The following PCDH19 variants were observed in gnomAD, a reference collection of about 807,000 sequenced individuals.
PCDH19 encodes the protein protocadherin 19.
In PCDH19, 6 loss-of-function variants were observed where a neutral mutation model predicts 46.2. The observed-to-expected ratio is 0.13, with a 90% confidence interval of 0.07 to 0.26. PCDH19 has a LOEUF of 0.26. Among genes scored for constraint, PCDH19 ranks in the 10% least tolerant of loss-of-function variants. The probability of loss-of-function intolerance (pLI) is 1.00; values close to 1 mark genes in which losing one functional copy is unlikely to be tolerated. For synonymous variants in PCDH19, 481 were observed against 415.7 expected, an observed-to-expected ratio of 1.16 and a Z score of -1.91; for missense variants, 740 against 972.3, an observed-to-expected ratio of 0.76 and a Z score of 3.18.
chrX:100,341,335 T>C (rs1042355382), intron 5 of PCDH19, among the ~76,000 whole-genome samples: 1 of 111,734 alleles, frequency 8.9e-6, no homozygotes, highest in Non-Finnish European at 1.9e-5. Context: ...CTATGACTAA[T>C]GGCATGGTTT....
In PCDH19 at chrX:100,360,970, G is replaced by C. The variant is rs1926863619; in HGVS notation, c.2617-10266C>G. Among the ~76,000 whole-genome samples the C allele has an allele frequency of 5.4e-5, 6 of 111,690 alleles. 1 individual carries two copies. The South Asian group carries it at 2.3e-3, about 42-fold the overall frequency. On this transcript the variant is annotated intron_variant, in intron 3 of 5. Coordinates refer to ENST00000373034, the MANE Select transcript of PCDH19 (RefSeq NM_001184880.2). ...GTGCTTCTCATTTTATTTGGGAAGG[G>C]GGATGAGGAGGGATGAGGGTGGGTT...
chrX:100,366,925 G>C (rs1262953274), intron 3 of PCDH19, among the ~76,000 whole-genome samples: 1 of 112,233 alleles, frequency 8.9e-6, no homozygotes, highest in Non-Finnish European at 1.9e-5. Context: ...TATAAAGCAT[G>C]AGTAAAATGA....
intron 3 of PCDH19, among the ~76,000 whole-genome samples, chrX:100,369,697 T>C (rs1316496707): frequency 8.9e-6 from 1 of 111,922 alleles, no homozygotes; most frequent in East Asian, 2.8e-4. Flanking sequence ...AATTAAGCAG[T>C]ATGAACATTG....
At chrX:100,326,924 T>C (rs1602585604) in intron 5 of PCDH19, among the ~76,000 whole-genome samples, 1 of 111,519 alleles carries the variant, frequency 9.0e-6, no homozygotes, top group Non-Finnish European at 1.9e-5. Context: ...TAAAGTTCAA[T>C]ATTCTAGAAA....
chrX:100,408,648 G>A lies in PCDH19; in HGVS notation c.-51C>T, dbSNP rs1331405390. On this transcript the variant is annotated 5_prime_UTR_variant, in exon 1 of 6. Coordinates refer to ENST00000373034, the MANE Select transcript of PCDH19 (RefSeq NM_001184880.2). ...CGCCTCTCCACACCCCTCCGAGACC[G>A]ACGCCGTCGGCGCTCCAGCTTCCCG... The A allele has an allele frequency of 9.8e-6, 10 of 1,017,581 alleles. No individual in the cohort carries two copies. The highest frequency in any genetic ancestry group is 1.3e-5 in the Non-Finnish European group (10 of 749,301). 83.9% of individuals were successfully genotyped at this position (1,017,581 alleles called of 1,213,427 possible). A position where few individuals can be genotyped will look rare whatever the true frequency, so the allele number is the denominator to read the frequency against.
intron 3 of PCDH19, among the ~76,000 whole-genome samples, chrX:100,387,500 T>G (rs757932332): frequency 8.9e-6 from 1 of 111,747 alleles, no homozygotes; most frequent in South Asian, 3.8e-4. Context: ...AAAAAAGCAC[T>G]TCCCTCCAAA....
intron 3 of PCDH19, among the ~76,000 whole-genome samples, chrX:100,364,024 AC>A (rs1446152113): frequency 9.1e-6 from 1 of 110,397 alleles, no homozygotes; most frequent in Non-Finnish European, 1.9e-5. Flanking sequence ...GTTTTCTTCG[AC>A]CCATTTTCTT....
intron 5 of PCDH19, among the ~76,000 whole-genome samples, chrX:100,339,542 G>A (rs1223512504): frequency 8.9e-6 from 1 of 112,406 alleles, no homozygotes; most frequent in African/African-American, 3.2e-5. Flanking sequence ...GCAGACTTGA[G>A]ATATTAAAAT....
intron 5 of PCDH19, among the ~76,000 whole-genome samples, chrX:100,306,892 G>A (rs1924964323): frequency 9.0e-6 from 1 of 111,492 alleles, no homozygotes; most frequent in Non-Finnish European, 1.9e-5. Flanking sequence ...GACCAATAAT[G>A]AGCAGTGAGA....
intron 3 of PCDH19, among the ~76,000 whole-genome samples, chrX:100,386,525 T>C (rs184433652): frequency 1.8e-5 from 2 of 112,311 alleles, no homozygotes; most frequent in Admixed American, 1.9e-4. Flanking sequence ...CTCTGCTTTA[T>C]CACATTAACT....
At chrX:100,399,287 T>C (rs1166420206) in intron 3 of PCDH19, among the ~76,000 whole-genome samples, 2 of 111,911 alleles carry the variant, frequency 1.8e-5, no homozygotes, top group Non-Finnish European at 3.8e-5. Flanking sequence ...ATTAATTAAT[T>C]AGGAAAATAT....
intron 3 of PCDH19, among the ~76,000 whole-genome samples, chrX:100,393,497 TACACACACAC>T (rs57070852): frequency 0.073 from 6,523 of 89,934 alleles, 370 homozygotes; most frequent in African/African-American, 0.18. Context: ...CATACATACA[TACACACACAC>T]ACACACACAC....
At chrX:100,343,720 A>G (rs1261477815) in intron 4 of PCDH19, among the ~76,000 whole-genome samples, 1 of 111,954 alleles carries the variant, frequency 8.9e-6, no homozygotes, top group African/African-American at 3.3e-5. Flanking sequence ...TCGGTGAGGA[A>G]GCAGCAAAGG....
chrX:100,364,351 T>G (rs1366611575), intron 3 of PCDH19, among the ~76,000 whole-genome samples: 1 of 111,816 alleles, frequency 8.9e-6, no homozygotes, highest in South Asian at 3.8e-4. Flanking sequence ...TGTAGCTAGT[T>G]AAATTTAAAT....
intron 5 of PCDH19, among the ~76,000 whole-genome samples, chrX:100,334,839 C>T (rs1189026318): frequency 1.4e-5 from 1 of 69,394 alleles, no homozygotes; most frequent in Non-Finnish European, 2.8e-5. Context: ...CATATATATA[C>T]ACATATACAT....
At chrX:100,333,151 AAGGAAGGAAGGAAGGAAGGAAGG>A (rs1925940423) in intron 5 of PCDH19, among the ~76,000 whole-genome samples, 3 of 53,134 alleles carry the variant, frequency 5.6e-5, no homozygotes, top group African/African-American at 1.2e-4. Context: ...GGAAGGAAGG[AAGGAAGGAAGGAAGGAAGGAAGG>A]GAGAGAGAGA....
chrX:100,353,882 C>T (rs1055282845), intron 3 of PCDH19, among the ~76,000 whole-genome samples: 1 of 111,667 alleles, frequency 9.0e-6, no homozygotes, highest in African/African-American at 3.3e-5. Context: ...CAATTAGTAG[C>T]GCTAGTCAAT....
chrX:100,314,863 C>T (rs769500907), intron 5 of PCDH19, among the ~76,000 whole-genome samples: 101 of 112,288 alleles, frequency 9.0e-4, no homozygotes, highest in African/African-American at 3.2e-3. Context: ...TTGATTCCCA[C>T]TCCTCTTCTC....
intron 2 of PCDH19, 129 bp from the exon 3 acceptor site, chrX:100,402,980 C>T: frequency 3.7e-6 from 2 of 534,570 alleles, no homozygotes; most frequent in Non-Finnish European, 3.2e-6. Flanking sequence ...TGCATTACAT[C>T]ATCGGGTTTC....
Sources: gnomAD v4.1 joint callset for allele counts (sites outside exome capture counted in the v4.1 genomes callset) on GRCh38, gnomAD v4.1.1 for gene constraint, MANE v1.5 for transcripts, NCBI Gene and HGNC (gene_info 2026-07-23, HGNC 2026-07-21) for gene names.